The following NSUN3 variants were observed in gnomAD, a reference collection of about 807,000 sequenced individuals.
The protein encoded by NSUN3 is tRNA (cytosine(34)-C(5))-methyltransferase, mitochondrial.
Under a neutral mutation model 36.8 loss-of-function variants are expected in NSUN3, and 24 were observed. That is an observed-to-expected ratio of 0.65 (90% confidence interval 0.47 to 0.92). The LOEUF is 0.92. NSUN3 is among the 40% of genes least tolerant of loss of function. The pLI is 0.00. For missense variants in NSUN3, 381 were observed against 392.8 expected (o/e 0.97, Z 0.25); for synonymous variants, 146 against 145.2 (o/e 1.01, Z -0.04).
intron 5 of NSUN3, among the ~76,000 whole-genome samples, chr3:94,125,809 C>T (rs541766708): frequency 6.6e-6 from 1 of 152,268 alleles, no homozygotes; most frequent in East Asian, 1.9e-4. Context: ...GCCTGTAATC[C>T]CAACACTTTG....
At chr3:94,067,369 T>C (rs558704347) in intron 2 of NSUN3, among the ~76,000 whole-genome samples, 9 of 152,220 alleles carry the variant, frequency 5.9e-5, no homozygotes, top group Non-Finnish European at 1.0e-4. Context: ...TAATAAACTG[T>C]GACTATAACT....
Position 94,128,287 on chromosome 3 carries a change from TC to T in NSUN3, c.*1798del, listed in dbSNP as rs2077495648. 1 of 152,000 alleles carries T rather than the reference TC, an allele frequency of 6.6e-6. No homozygotes were observed. The highest frequency in any genetic ancestry group is 1.5e-5 in the Non-Finnish European group (1 of 67,992). The allele number at this position is 152,000 out of a possible 1,614,324, so 9.4% of individuals were successfully genotyped here. On this transcript the variant is annotated 3_prime_UTR_variant, in exon 6 of 6. Transcript: ENST00000314622. ...GTAACGCTAGAACTGTTGGACCAAA[TC>T]AAGTATATGGGTAAATACAGAAGAA...
chr3:94,076,567 C>T (rs575558723), intron 2 of NSUN3: 33 of 835,764 alleles, frequency 3.9e-5, no homozygotes, highest in Admixed American at 2.0e-4. Flanking sequence ...TGATGTCCCA[C>T]GGGTAGATGG....
intron 3 of NSUN3, among the ~76,000 whole-genome samples, chr3:94,089,555 C>G (rs1207296220): frequency 6.6e-6 from 1 of 152,186 alleles, no homozygotes; most frequent in East Asian, 1.9e-4. Context: ...GGGAAGAAAG[C>G]CTCAGGTGAG....
Position 94,069,751 on chromosome 3 carries a change from G to T in NSUN3, c.122+5205G>T, listed in dbSNP as rs143395961. ...TTTTGTTAAAATAGTAAGTAGTTCA[G>T]AGAGCCTTGAATCAGAACTCCAATT... On this transcript the variant is annotated intron_variant, in intron 2 of 5. Coordinates refer to ENST00000314622, the MANE Select transcript of NSUN3 (RefSeq NM_022072.5). Among the ~76,000 whole-genome samples the T allele has an allele frequency of 5.9e-3, 892 of 152,210 alleles. 7 individuals are homozygous for T. Among genetic ancestry groups the T allele is most frequent in the Admixed American group, 7.5e-3 (115 of 15,286 alleles).
intron 3 of NSUN3, among the ~76,000 whole-genome samples, chr3:94,091,250 G>T (rs941013397): frequency 6.6e-6 from 1 of 152,126 alleles, no homozygotes; most frequent in Non-Finnish European, 1.5e-5. Context: ...GTTGACTCTT[G>T]AGAACGAGAG....
At chr3:94,085,558 A>G (rs1013381782) in intron 3 of NSUN3, among the ~76,000 whole-genome samples, 4 of 152,172 alleles carry the variant, frequency 2.6e-5, no homozygotes, top group African/African-American at 9.7e-5. Flanking sequence ...GGAGTTCTAG[A>G]CCAGTCTGGG....
At chr3:94,083,535 C>T (rs1025383358) in intron 2 of NSUN3, among the ~76,000 whole-genome samples, 1 of 152,146 alleles carries the variant, frequency 6.6e-6, no homozygotes, top group African/African-American at 2.4e-5. Flanking sequence ...ACAAAGGTTA[C>T]ACTCTTGTGC....
Position 94,076,713 on chromosome 3 carries a change from A to G in NSUN3, c.123-7394A>G, listed in dbSNP as rs917845467. The G allele has an allele frequency of 5.3e-6, 7 of 1,314,314 alleles. No individual in the cohort carries two copies. The African/African-American group carries it at 8.7e-5, about 16-fold the overall frequency. 81.4% of individuals were successfully genotyped at this position (1,314,314 alleles called of 1,614,324 possible). ...AGATCTGGTTTAGGATGTTTTGTAT[A>G]GTCCAAGATAAGAACATCACTGGAA... On this transcript the variant is annotated intron_variant, in intron 2 of 5. Coordinates refer to ENST00000314622, the MANE Select transcript of NSUN3 (RefSeq NM_022072.5).
chr3:94,114,012 T>TG (rs1229431461), intron 5 of NSUN3, among the ~76,000 whole-genome samples: 2 of 152,190 alleles, frequency 1.3e-5, no homozygotes, highest in African/African-American at 4.8e-5. Context: ...CTTTAATAGG[T>TG]GGAGGTTGTA....
chr3:94,109,537 G>A (rs2077407469), intron 5 of NSUN3, among the ~76,000 whole-genome samples: 1 of 152,218 alleles, frequency 6.6e-6, no homozygotes, highest in Non-Finnish European at 1.5e-5. Context: ...CAGTTAGCAC[G>A]TGAGGTTAGC....
At chr3:94,103,301 T>C (rs1269811544) in intron 5 of NSUN3, among the ~76,000 whole-genome samples, 3 of 152,084 alleles carry the variant, frequency 2.0e-5, no homozygotes, top group Non-Finnish European at 4.4e-5. Flanking sequence ...TGGTAAGACC[T>C]ATAATAGAGA....
rs1465158829 is a variant in NSUN3, at chr3:94,126,456, A to T, written c.989A>T (p.Lys330Ile). The change falls in exon 6 of 6, where the codon AAA becomes ATA. Residue 330 changes from lysine to isoleucine, a missense_variant. Physicochemically the swap from Lys to Ile is moderately radical, Grantham distance 102. Transcript: ENST00000314622. ...GCCTGGGGCCCAATGTATGTAGCCAAATTGAAGAAATCATGGAGCACAGGA... is the reference window on the plus strand; with the variant it reads ...GCCTGGGGCCCAATGTATGTAGCCATATTGAAGAAATCATGGAGCACAGGA... Reference protein sequence around the residue: ...GKAWGPMYVAKLKKSWSTGKW With the variant: ...GKAWGPMYVAILKKSWSTGKW 1.2e-6 allele frequency: 2 copies of T among 1,610,886 alleles called. No individual in the cohort carries two copies. The highest frequency in any genetic ancestry group is 1.7e-6 in the Non-Finnish European group (2 of 1,177,188).
intron 2 of NSUN3, among the ~76,000 whole-genome samples, chr3:94,081,112 T>C (rs1576084856): frequency 6.6e-6 from 1 of 151,966 alleles, no homozygotes; most frequent in African/African-American, 2.4e-5. Context: ...TGGGCTGGAG[T>C]GCATGGTTCC....
chr3:94,087,668 T>C (rs2077297277), intron 3 of NSUN3, among the ~76,000 whole-genome samples: 1 of 152,168 alleles, frequency 6.6e-6, no homozygotes, highest in South Asian at 2.1e-4. Context: ...TTGATGTCAG[T>C]GATAACTTTT....
At chr3:94,101,150 C>G (rs925381912) in intron 5 of NSUN3, among the ~76,000 whole-genome samples, 3 of 151,982 alleles carry the variant, frequency 2.0e-5, no homozygotes. Context: ...TGCTACCACA[C>G]TTGCCTAATT....
rs373025596 is a variant in NSUN3 at position 94,069,841 on chromosome 3, C to G, written c.122+5295C>G. On this transcript the variant is annotated intron_variant, in intron 2 of 5. Coordinates refer to ENST00000314622, the MANE Select transcript of NSUN3 (RefSeq NM_022072.5). ...CCAAGGAGAAAAATAAGTCAAGGCT[C>G]CCATATAAATGAGTTAGGGAAATGG... Among the ~76,000 whole-genome samples the G allele has an allele frequency of 7.9e-5, 12 of 152,244 alleles. No homozygotes were observed. The East Asian group carries it at 1.2e-3, about 15-fold the overall frequency.
rs2077502686 is a variant in NSUN3, at chr3:94,129,815, A to G, written c.*3325A>G. ...CCCAGGCTGGATGGCGTGCAGTGGC[A>G]TGATCTCAGCTCACTGCAACCTCTG... On this transcript the variant is annotated 3_prime_UTR_variant, in exon 6 of 6. Transcript: ENST00000314622. 7.6e-6 allele frequency among the ~76,000 whole-genome samples: 1 copy of G among 132,126 alleles called. No individual in the cohort carries two copies. Among genetic ancestry groups the G allele is most frequent in the Non-Finnish European group, 1.5e-5 (1 of 65,714 alleles). The allele number at this position is 132,126 out of a possible 152,430, so 86.7% of individuals were successfully genotyped here. A position where few individuals can be genotyped will look rare whatever the true frequency, so the allele number is the denominator to read the frequency against.
In NSUN3 at chr3:94,096,727, T is replaced by C. The variant is rs143574123; in HGVS notation, c.743+1573T>C. ...GTTGACCAGGCTGGTCTCGAACTCC[T>C]GACCTCAAGTGATCTGCCCGCCTTG... On this transcript the variant is annotated intron_variant, in intron 5 of 5. Coordinates refer to ENST00000314622, the MANE Select transcript of NSUN3 (RefSeq NM_022072.5). Among the ~76,000 whole-genome samples, 103 of 152,254 alleles carry C rather than the reference T, an allele frequency of 6.8e-4. No homozygotes were observed. The East Asian group carries it at 0.018, about 26-fold the overall frequency.
Sources: gnomAD v4.1 joint callset for allele counts (sites outside exome capture counted in the v4.1 genomes callset) on GRCh38, gnomAD v4.1.1 for gene constraint, MANE v1.5 for transcripts, NCBI Gene and HGNC (gene_info 2026-07-23, HGNC 2026-07-21) for gene names.